The following DYNLT2 variants were observed in gnomAD, a reference collection of about 807,000 sequenced individuals.
The protein encoded by DYNLT2 is dynein light chain Tctex-type protein 2.
A neutral mutation model predicts 24.3 loss-of-function variants in DYNLT2; 24 were observed. The ratio of observed to expected loss-of-function variants is 0.99; its 90% confidence interval spans 0.71 to 1.39. DYNLT2 has a LOEUF of 1.39. Among genes scored for constraint, DYNLT2 ranks in the 40% most tolerant of loss-of-function variants. The pLI is 0.00. For synonymous variants in DYNLT2, 85 were observed against 85.4 expected (o/e 1.00, Z 0.03); for missense variants, 246 against 234.5 (o/e 1.05, Z -0.32).
At position 169,749,209 on chromosome 6, in the gene DYNLT2, C is replaced by T. The variant is rs533478606; in HGVS notation, c.120+2130G>A. ...CCTCCTCCCGGGTTCAAGCAATTCTCGTGCCTCAGCCTCCCTGAGTAGCTG... is the reference window on the plus strand; with the variant it reads ...CCTCCTCCCGGGTTCAAGCAATTCTTGTGCCTCAGCCTCCCTGAGTAGCTG... On this transcript the variant is annotated intron_variant, in intron 1 of 3. Coordinates refer to ENST00000366774, the MANE Select transcript of DYNLT2 (RefSeq NM_174910.3). Among the ~76,000 whole-genome samples, 10 of 152,246 alleles carry T rather than the reference C, an allele frequency of 6.6e-5. 1 individual carries two copies. Among genetic ancestry groups the T allele is most frequent in the East Asian group, 3.9e-4 (2 of 5,176 alleles).
At chr6:169,731,326 T>C in the DYNLT2 span, among the ~76,000 whole-genome samples, 4 of 152,162 alleles carry the variant, frequency 2.6e-5, no homozygotes, top group African/African-American at 9.7e-5. Flanking sequence ...GAAGAATTGG[T>C]ATTCACTCAT....
At chr6:169,743,436 AATTAT>A (rs1202414763) in intron 2 of DYNLT2, among the ~76,000 whole-genome samples, 198 bp from the exon 3 acceptor site, 1 of 152,114 alleles carries the variant, frequency 6.6e-6, no homozygotes, top group Non-Finnish European at 1.5e-5. Flanking sequence ...GGGGTTTTCA[AATTAT>A]ATTCAATTAC....
chr6:169,725,502 G>C, the DYNLT2 span: 2 of 396,148 alleles, frequency 5.0e-6, no homozygotes, highest in Non-Finnish European at 8.9e-6. Context: ...GCCTCAGCCA[G>C]ACCATCCGTT....
the DYNLT2 span, among the ~76,000 whole-genome samples, chr6:169,733,066 T>G: frequency 2.0e-5 from 3 of 152,240 alleles, no homozygotes; most frequent in African/African-American, 7.2e-5. Flanking sequence ...ATATGTTTGT[T>G]GGCCACATAA....
intron 1 of DYNLT2, among the ~76,000 whole-genome samples, chr6:169,748,365 TGG>T (rs1789858603): frequency 6.6e-6 from 1 of 151,864 alleles, no homozygotes; most frequent in Admixed American, 6.6e-5. Context: ...GCAATTAAGG[TGG>T]GGGCAATATT....
At chr6:169,749,043 G>A (rs1789879238) in intron 1 of DYNLT2, among the ~76,000 whole-genome samples, 1 of 152,114 alleles carries the variant, frequency 6.6e-6, no homozygotes, top group Non-Finnish European at 1.5e-5. Context: ...AAAATAAAAT[G>A]AGCTTGGGCA....
chr6:169,745,102 T>G (rs925397593), intron 1 of DYNLT2, among the ~76,000 whole-genome samples: 7 of 145,240 alleles, frequency 4.8e-5, no homozygotes, highest in African/African-American at 1.8e-4. Flanking sequence ...TTTTTGTTTG[T>G]TTTTTTTTTT....
chr6:169,739,265 T>C (rs1789625731), downstream of DYNLT2, among the ~76,000 whole-genome samples: 1 of 149,884 alleles, frequency 6.7e-6, no homozygotes, highest in Admixed American at 6.7e-5. Flanking sequence ...CAGGCTGGTC[T>C]CAAATTCCTG....
At chr6:169,745,802 A>G (rs866787481) in intron 1 of DYNLT2, among the ~76,000 whole-genome samples, 1 of 152,162 alleles carries the variant, frequency 6.6e-6, no homozygotes, top group Non-Finnish European at 1.5e-5. Context: ...TGAGTTAGAC[A>G]GTATTCTCTC....
At position 169,751,529 on chromosome 6, in the gene DYNLT2, G is replaced by T; in HGVS notation, c.-71C>A. ...GCGGTCAAACGCCCTAGCCAGTCCC[G>T]CGAGGGCGGAAGTCTCCCACCTGCG... On this transcript the variant is annotated 5_prime_UTR_variant, in exon 1 of 4. Transcript: ENST00000366774. 6.2e-7 allele frequency: 1 copy of T among 1,610,320 alleles called. No individual in the cohort carries two copies.
chr6:169,740,194 A>G lies in DYNLT2; in HGVS notation c.588T>C (p.Tyr196=), dbSNP rs772625449. ...YVALVLVFAL[Y]YE The stretch of plus-strand genomic sequence containing the variant: ...TAGTACCTGTAATGAGCTATTCATA[A>G]TAAAGGGCAAACACCAAGACCAGTG... Residue 196 remains tyrosine (Y), a synonymous_variant, in exon 4 of 4, where the codon TAT becomes TAC. Transcript: ENST00000366774. The G allele has an allele frequency of 1.9e-6, 3 of 1,611,746 alleles. No homozygotes were observed. Among genetic ancestry groups the G allele is most frequent in the Non-Finnish European group, 8.5e-7 (1 of 1,177,838 alleles).
At chr6:169,736,037 A>G (rs1315356335), downstream of DYNLT2, among the ~76,000 whole-genome samples, 1 of 151,996 alleles carries the variant, frequency 6.6e-6, no homozygotes, top group African/African-American at 2.4e-5. Context: ...ACCATTACAT[A>G]GTGCCCTTCT....
At chr6:169,741,984 C>T (rs1789690184) in intron 3 of DYNLT2, among the ~76,000 whole-genome samples, 1 of 152,160 alleles carries the variant, frequency 6.6e-6, no homozygotes, top group Non-Finnish European at 1.5e-5. Flanking sequence ...CCAGGTCCCC[C>T]TCCCCATGCT....
the DYNLT2 span, among the ~76,000 whole-genome samples, chr6:169,727,746 G>C: frequency 6.6e-6 from 1 of 152,034 alleles, no homozygotes; most frequent in Non-Finnish European, 1.5e-5. Context: ...TGTATTTTTA[G>C]TAGAGACGGA....
At chr6:169,751,102 T>G in intron 1 of DYNLT2, 1 of 511,530 alleles carries the variant, frequency 2.0e-6, no homozygotes, top group Non-Finnish European at 3.4e-6. Flanking sequence ...AATCGACTTA[T>G]GTAGGGTTCT....
At chr6:169,748,492 T>C (rs1005955228) in intron 1 of DYNLT2, among the ~76,000 whole-genome samples, 1 of 152,248 alleles carries the variant, frequency 6.6e-6, no homozygotes, top group African/African-American at 2.4e-5. Context: ...AAGTAGTTTC[T>C]GATAAGAATT....
intron 3 of DYNLT2, among the ~76,000 whole-genome samples, chr6:169,741,456 G>A (rs7740218): frequency 0.19 from 28,579 of 152,112 alleles, 3,416 homozygotes; most frequent in African/African-American, 0.32. Context: ...AAGTGCATCA[G>A]TGAGACCAGC....
At chr6:169,745,774 A>G (rs569446061) in intron 1 of DYNLT2, among the ~76,000 whole-genome samples, 2 of 152,280 alleles carry the variant, frequency 1.3e-5, no homozygotes, top group South Asian at 2.1e-4. Context: ...GTATTAGGGT[A>G]ATGCTGACTT....
chr6:169,740,570 G>A (rs1789656327), intron 3 of DYNLT2, among the ~76,000 whole-genome samples: 1 of 152,106 alleles, frequency 6.6e-6, no homozygotes, highest in Non-Finnish European at 1.5e-5. Context: ...CTGGGAATGG[G>A]GATGTAGTGG....
Sources: allele counts gnomAD v4.1 joint callset (sites outside exome capture counted in the v4.1 genomes callset), GRCh38; gene constraint gnomAD v4.1.1; transcripts MANE v1.5; gene names NCBI Gene and HGNC (gene_info 2026-07-23, HGNC 2026-07-21).